The following PLXDC2 variants were observed in gnomAD, a reference collection of about 807,000 sequenced individuals.
The protein encoded by PLXDC2 is plexin domain-containing protein 2.
Under a neutral mutation model 68.9 loss-of-function variants are expected in PLXDC2, and 40 were observed. That is an observed-to-expected ratio of 0.58 (90% confidence interval 0.45 to 0.76). The LOEUF (loss-of-function observed/expected upper bound fraction) is 0.76, where lower values mean the gene tolerates loss of function less well. Among genes scored for constraint, PLXDC2 ranks in the 30% least tolerant of loss-of-function variants. PLXDC2 has a pLI of 0.00. For synonymous variants in PLXDC2, 243 were observed against 234.2 expected (o/e 1.04, Z -0.34); for missense variants, 644 against 661.9 (o/e 0.97, Z 0.30).
At chr10:19,913,008 G>T (rs1176802472) in intron 1 of PLXDC2, among the ~76,000 whole-genome samples, 1 of 152,160 alleles carries the variant, frequency 6.6e-6, no homozygotes, top group African/African-American at 2.4e-5. Flanking sequence ...TCGAGAGCAT[G>T]ACTTTAGTAG....
chr10:20,167,499 G>A (rs916747695), intron 7 of PLXDC2, among the ~76,000 whole-genome samples: 4 of 152,078 alleles, frequency 2.6e-5, no homozygotes, highest in Non-Finnish European at 5.9e-5. Flanking sequence ...CCCTTATTTA[G>A]CAACACTCAC....
chr10:19,817,416 C>T (rs1360233380), intron 1 of PLXDC2, among the ~76,000 whole-genome samples: 2 of 152,298 alleles, frequency 1.3e-5, no homozygotes, highest in African/African-American at 4.8e-5. Flanking sequence ...GCTTACTTCA[C>T]CTGGGCGGCA....
chr10:19,843,626 A>G (rs1836946253), intron 1 of PLXDC2, among the ~76,000 whole-genome samples: 1 of 152,250 alleles, frequency 6.6e-6, no homozygotes, highest in Non-Finnish European at 1.5e-5. Flanking sequence ...AACAACATGA[A>G]TAGAACTGGA....
At chr10:20,053,439 C>T (rs1835938574) in intron 3 of PLXDC2, among the ~76,000 whole-genome samples, 1 of 152,120 alleles carries the variant, frequency 6.6e-6, no homozygotes, top group Admixed American at 6.6e-5. Flanking sequence ...AAAATTCTCA[C>T]AGTTATCTGG....
At chr10:19,982,778 T>G (rs1432573224) in intron 1 of PLXDC2, among the ~76,000 whole-genome samples, 1 of 152,130 alleles carries the variant, frequency 6.6e-6, no homozygotes, top group Non-Finnish European at 1.5e-5. Flanking sequence ...ATACACAATA[T>G]AGGATTATAA....
intron 9 of PLXDC2, among the ~76,000 whole-genome samples, chr10:20,194,709 A>G (rs972289023): frequency 2.0e-5 from 3 of 151,976 alleles, no homozygotes; most frequent in African/African-American, 7.2e-5. Context: ...ATATGTATAC[A>G]TGTGCCATGT....
intron 1 of PLXDC2, among the ~76,000 whole-genome samples, chr10:19,931,697 T>G (rs752107767): frequency 6.6e-6 from 1 of 152,174 alleles, no homozygotes; most frequent in Non-Finnish European, 1.5e-5. Context: ...TTATCAATGT[T>G]GTCACTGCCT....
intron 4 of PLXDC2, among the ~76,000 whole-genome samples, chr10:20,071,706 T>C (rs1310953506): frequency 6.6e-6 from 1 of 152,172 alleles, no homozygotes. Context: ...ACAGGCATGC[T>C]GCGAATAAGC....
At chr10:19,980,739 C>T (rs1281356639) in intron 1 of PLXDC2, among the ~76,000 whole-genome samples, 1 of 152,074 alleles carries the variant, frequency 6.6e-6, no homozygotes, top group Non-Finnish European at 1.5e-5. Flanking sequence ...AGGCACTAAC[C>T]TTATAGGATC....
chr10:20,044,122 T>TCCTTCCTCCCTCCCTTCCTTCCTC (rs71388894), intron 2 of PLXDC2, among the ~76,000 whole-genome samples: 1 of 99,736 alleles, frequency 1.0e-5, no homozygotes, highest in African/African-American at 4.1e-5. Context: ...CTTCCTTCCT[T>TCCTTCCTCCCTCCCTTCCTTCCTC]CCTCCCTCCC....
chr10:19,816,644 A>G lies in PLXDC2; in HGVS notation c.-436A>G, dbSNP rs1836347232. The G allele has an allele frequency of 2.3e-5, 5 of 216,828 alleles. No individual in the cohort carries two copies. Among genetic ancestry groups the G allele is most frequent in the Non-Finnish European group, 4.7e-5 (5 of 107,140 alleles). 13.4% of individuals were successfully genotyped at this position (216,828 alleles called of 1,614,324 possible). A position where few individuals can be genotyped will look rare whatever the true frequency, so the allele number is the denominator to read the frequency against. ...AGTTCCTGCAGAGCCGACCAGCCCT[A>G]GTGGATCTGGGGCAGGCAGCGGCGC... is the stretch of plus-strand genomic sequence containing the variant. On this transcript the variant is annotated 5_prime_UTR_variant, in exon 1 of 14. Coordinates refer to ENST00000377252, the MANE Select transcript of PLXDC2 (RefSeq NM_032812.9).
At chr10:19,904,128 C>T (rs1838204010) in intron 1 of PLXDC2, among the ~76,000 whole-genome samples, 1 of 152,020 alleles carries the variant, frequency 6.6e-6, no homozygotes, top group African/African-American at 2.4e-5. Flanking sequence ...GAGAATGTTC[C>T]ATGTGCTGAT....
At chr10:19,853,140 G>T (rs926937779) in intron 1 of PLXDC2, among the ~76,000 whole-genome samples, 3 of 152,290 alleles carry the variant, frequency 2.0e-5, no homozygotes, top group East Asian at 1.9e-4. Context: ...GCTGAAGGAA[G>T]GGACAAGGTA....
rs531588180 is a variant in PLXDC2, at chr10:20,272,767, G to C, written c.1474-6936G>C. 4.6e-4 allele frequency among the ~76,000 whole-genome samples: 70 copies of C among 152,274 alleles called. No homozygotes were observed. The South Asian group carries it at 7.9e-3, about 17-fold the overall frequency. ...ATATTCCTCCCTGAAAGAAACTTTT[G>C]CTGATCTAAGCATTAAAGAGTGGGC... On this transcript the variant is annotated intron_variant, in intron 13 of 13. Transcript: ENST00000377252.
chr10:20,087,406 G>A (rs1161906688), intron 4 of PLXDC2, among the ~76,000 whole-genome samples: 1 of 152,122 alleles, frequency 6.6e-6, no homozygotes, highest in African/African-American at 2.4e-5. Context: ...AAAAAAATTT[G>A]CCAAGTTGTC....
chr10:19,867,972 A>C (rs533652398), intron 1 of PLXDC2, among the ~76,000 whole-genome samples: 10 of 152,340 alleles, frequency 6.6e-5, no homozygotes, highest in African/African-American at 2.4e-4. Flanking sequence ...AGAAAGTTTC[A>C]ACTAGGTTTA....
intron 2 of PLXDC2, among the ~76,000 whole-genome samples, chr10:20,021,678 ATTAT>A (rs71388891): frequency 1.3e-5 from 2 of 148,398 alleles, no homozygotes; most frequent in South Asian, 2.1e-4. Flanking sequence ...ATTTTTTTTT[ATTAT>A]TTATTTATTT....
chr10:19,896,526 G>A (rs1838061261), intron 1 of PLXDC2, among the ~76,000 whole-genome samples: 1 of 152,204 alleles, frequency 6.6e-6, no homozygotes, highest in African/African-American at 2.4e-5. Context: ...TTATTAATAA[G>A]TCCTCAATAA....
At chr10:20,014,192 C>T (rs1473325392) in intron 2 of PLXDC2, among the ~76,000 whole-genome samples, 2 of 148,392 alleles carry the variant, frequency 1.3e-5, no homozygotes, top group African/African-American at 4.9e-5. Context: ...TCCCTCCCTC[C>T]CTTGTTTCCT....
Sources: allele counts gnomAD v4.1 joint callset (sites outside exome capture counted in the v4.1 genomes callset), GRCh38; gene constraint gnomAD v4.1.1; transcripts MANE v1.5; gene names NCBI Gene and HGNC (gene_info 2026-07-23, HGNC 2026-07-21).